ADGRV1: variants seen among roughly 807,000 people sequenced by gnomAD.
ADGRV1 encodes G-protein coupled receptor 98.
In ADGRV1, 359 loss-of-function variants were observed where a neutral mutation model predicts 596.2. That is an observed-to-expected ratio of 0.60 (90% CI 0.55 to 0.66). ADGRV1 has a LOEUF of 0.66. Ranked by LOEUF, ADGRV1 falls within the 30% of genes least tolerant of loss-of-function variation. The pLI is 0.00. For synonymous variants in ADGRV1, 2,681 were observed against 2,679.2 expected (o/e 1.00, Z -0.02); for missense variants, 7,274 against 7,575.6 (o/e 0.96, Z 1.48).
chr5:90,904,478 C>T (rs919861278), intron 83 of ADGRV1, among the ~76,000 whole-genome samples: 34 of 152,128 alleles, frequency 2.2e-4, no homozygotes, highest in African/African-American at 8.2e-4. Context: ...GCTGATATCT[C>T]ACTGTAGTTT....
At chr5:91,002,305 T>A (rs898466827) in intron 85 of ADGRV1, among the ~76,000 whole-genome samples, 1 of 152,216 alleles carries the variant, frequency 6.6e-6, no homozygotes, top group Non-Finnish European at 1.5e-5. Flanking sequence ...TTGTCTTTCA[T>A]GTTCATAATA....
intron 1 of ADGRV1, among the ~76,000 whole-genome samples, chr5:90,602,552 C>T (rs1385534103): frequency 1.3e-5 from 2 of 152,166 alleles, no homozygotes; most frequent in East Asian, 3.9e-4. Context: ...TCAGACAAAT[C>T]CCAGCTGAGG....
chr5:91,146,472 T>C (rs565814929), intron 87 of ADGRV1, among the ~76,000 whole-genome samples: 9 of 152,380 alleles, frequency 5.9e-5, no homozygotes, highest in Admixed American at 4.6e-4. Context: ...TCTTTAAGAA[T>C]GCATGCGTTA....
At chr5:91,071,174 G>A (rs13152882) in intron 85 of ADGRV1, among the ~76,000 whole-genome samples, 68,942 of 151,904 alleles carry the variant, frequency 0.45, 17,288 homozygotes, top group Non-Finnish European at 0.57. Flanking sequence ...GAGAGAGCAG[G>A]TAGCTTGGCC....
rs77695784 is a variant in ADGRV1, at chr5:90,854,693, C to T, written c.17594+492C>T. On this transcript the variant is annotated intron_variant, in intron 81 of 89. Coordinates refer to ENST00000405460, the MANE Select transcript of ADGRV1 (RefSeq NM_032119.4). ...GAATGATTCTTTTTTTGAATCTCCT[C>T]GGCCTCAGGCCTCAAATTTCTGAGC... is the stretch of plus-strand genomic sequence containing the variant. Among the ~76,000 whole-genome samples the T allele has an allele frequency of 1.5e-3, 227 of 152,254 alleles. 1 individual carries two copies. Among genetic ancestry groups the T allele is most frequent in the African/African-American group, 4.7e-3 (197 of 41,564 alleles).
intron 85 of ADGRV1, among the ~76,000 whole-genome samples, chr5:91,010,852 A>C (rs1782666255): frequency 6.6e-6 from 1 of 151,920 alleles, no homozygotes; most frequent in African/African-American, 2.4e-5. Context: ...TATTGTAATA[A>C]TTGATTTACC....
chr5:90,672,741 G>A lies in ADGRV1; in HGVS notation c.4929+19G>A. On this transcript the variant is annotated intron_variant, in intron 22 of 89. Coordinates refer to ENST00000405460, the MANE Select transcript of ADGRV1 (RefSeq NM_032119.4). ...ATCAGAGGTAAACCCTACCTTTTTT[G>A]TTCCTTTGAAAGCCTCCTGGAAAGC... 12 of 1,557,730 alleles carry A rather than the reference G, an allele frequency of 7.7e-6. No homozygotes were observed. The highest frequency in any genetic ancestry group is 1.2e-5 in the South Asian group (1 of 80,502).
chr5:90,585,321 CT>C (rs1344000634), intron 1 of ADGRV1, among the ~76,000 whole-genome samples: 1 of 152,192 alleles, frequency 6.6e-6, no homozygotes, highest in Non-Finnish European at 1.5e-5. Context: ...GGTGCATCCC[CT>C]GTCCCTCTGC....
Position 90,763,411 on chromosome 5 carries a change from T to C in ADGRV1, c.12227T>C (p.Ile4076Thr). The change falls in exon 59 of 90, where the codon ATA becomes ACA. Residue 4076 changes from isoleucine (I) to threonine (T), a missense_variant. By Grantham distance (89) the Ile-to-Thr change is moderately conservative. Transcript: ENST00000405460. The part of the protein sequence containing the change: ...GKGTVRLEWT[I>T]DEKAKHNLSP... ...GGAACCGTCCGACTTGAGTGGACCA[T>C]AGATGAGAAGGCTAAACATAACCTT... The C allele has an allele frequency of 1.2e-6, 2 of 1,613,774 alleles. No homozygotes were observed. Among genetic ancestry groups the C allele is most frequent in the East Asian group, 2.2e-5 (1 of 44,860 alleles).
intron 4 of ADGRV1, among the ~76,000 whole-genome samples, chr5:90,621,296 CCTTAA>C (rs1355332402): frequency 6.6e-6 from 1 of 152,120 alleles, no homozygotes. Context: ...TTTCTTGGTA[CCTTAA>C]CTTATCTTTG....
chr5:91,133,315 G>C (rs1309948287), intron 87 of ADGRV1, among the ~76,000 whole-genome samples: 1 of 152,246 alleles, frequency 6.6e-6, no homozygotes, highest in East Asian at 1.9e-4. Context: ...GAGAGAGAAG[G>C]GGTCACCCTA....
chr5:91,137,343 T>C (rs1475815983), intron 87 of ADGRV1, among the ~76,000 whole-genome samples: 1 of 152,152 alleles, frequency 6.6e-6, no homozygotes, highest in Non-Finnish European at 1.5e-5. Flanking sequence ...AATTTTCTGT[T>C]GGGAAAGTAA....
intron 85 of ADGRV1, among the ~76,000 whole-genome samples, chr5:91,005,156 C>CA (rs1327931723): frequency 6.6e-6 from 1 of 151,962 alleles, no homozygotes; most frequent in Non-Finnish European, 1.5e-5. Flanking sequence ...AGTAAATGCT[C>CA]AAAAAACTAT....
chr5:91,096,006 C>G (rs1409219533), intron 86 of ADGRV1, among the ~76,000 whole-genome samples: 2 of 152,126 alleles, frequency 1.3e-5, no homozygotes, highest in Non-Finnish European at 1.5e-5. Context: ...GTGATCCCCC[C>G]ACCTCAGCCT....
chr5:91,144,840 C>G (rs146050770), intron 87 of ADGRV1, among the ~76,000 whole-genome samples: 1 of 152,300 alleles, frequency 6.6e-6, no homozygotes, highest in East Asian at 1.9e-4. Flanking sequence ...TTTATCCTTA[C>G]GTCTCAGTGC....
rs1325937845 is a variant in ADGRV1, at chr5:90,871,927, G to A, written c.17856+8070G>A. Among the ~76,000 whole-genome samples the A allele has an allele frequency of 2.6e-5, 4 of 152,282 alleles. No homozygotes were observed. In the East Asian group the frequency reaches 7.7e-4, roughly 29 times the overall value. On this transcript the variant is annotated intron_variant, in intron 83 of 89. Transcript: ENST00000405460. ...CAGCATTGTTGAGAAGATACATAGT[G>A]GATCATGTTCAAATGCCCAAGACAC...
rs543334568 is a variant in ADGRV1, at chr5:90,706,058, G to GAC, written c.8567-170_8567-169dup. Among the ~76,000 whole-genome samples, 171 of 152,216 alleles carry GAC rather than the reference G, an allele frequency of 1.1e-3. 1 individual carries two copies. Among genetic ancestry groups the GAC allele is most frequent in the African/African-American group, 3.9e-3 (163 of 41,532 alleles). On this transcript the variant is annotated intron_variant, in intron 37 of 89. Coordinates refer to ENST00000405460, the MANE Select transcript of ADGRV1 (RefSeq NM_032119.4). ...GGGAAATATGCTTTTCCCACAGTGA[G>GAC]ACACCCATGAGCCATCACATGGTAA...
In ADGRV1 at chr5:90,659,293, C is replaced by T. The variant is rs192153198; in HGVS notation, c.4752+1015C>T. 2.7e-3 allele frequency among the ~76,000 whole-genome samples: 415 copies of T among 152,228 alleles called. 1 individual carries two copies. The highest frequency in any genetic ancestry group is 0.017 in the Middle Eastern group (5 of 294). On this transcript the variant is annotated intron_variant, in intron 21 of 89. Transcript: ENST00000405460. ...AAATAGGTATTCAGCTATCAAAGAA[C>T]TTCTACATATTACATTTTATGCACC...
At chr5:90,849,859 G>T (rs1766307044) in intron 79 of ADGRV1, among the ~76,000 whole-genome samples, 1 of 152,190 alleles carries the variant, frequency 6.6e-6, no homozygotes, top group African/African-American at 2.4e-5. Context: ...GATTGCCTTT[G>T]TTAATAGGTA....
Sources: gnomAD v4.1 joint callset for allele counts (sites outside exome capture counted in the v4.1 genomes callset) on GRCh38, gnomAD v4.1.1 for gene constraint, MANE v1.5 for transcripts, NCBI Gene and HGNC (gene_info 2026-07-23, HGNC 2026-07-21) for gene names.